The following NKAIN2 variants were observed in gnomAD, a reference collection of about 807,000 sequenced individuals.
NKAIN2 encodes the protein sodium/potassium-transporting ATPase subunit beta-1-interacting protein 2.
In NKAIN2, 14 loss-of-function variants were observed where a neutral mutation model predicts 32.6. That is an observed-to-expected ratio of 0.43 (90% CI 0.28 to 0.67). The LOEUF (loss-of-function observed/expected upper bound fraction) is 0.67. Among genes scored for constraint, NKAIN2 ranks in the 30% least tolerant of loss-of-function variants. NKAIN2 has a pLI of 0.17. For synonymous variants in NKAIN2, 80 were observed against 87.2 expected (o/e 0.92, Z 0.46); for missense variants, 198 against 258.3 (o/e 0.77, Z 1.60).
chr6:124,051,589 A>G (rs1453235884), intron 1 of NKAIN2, among the ~76,000 whole-genome samples: 2 of 151,844 alleles, frequency 1.3e-5, no homozygotes, highest in African/African-American at 4.8e-5. Flanking sequence ...CCGACCCCAC[A>G]ACAGGCCCCG....
chr6:124,144,258 G>A (rs1330232935), intron 1 of NKAIN2, among the ~76,000 whole-genome samples: 4 of 152,182 alleles, frequency 2.6e-5, no homozygotes, highest in African/African-American at 4.8e-5. Context: ...CCTATCATAT[G>A]AGGGTACTTA....
chr6:123,999,102 C>T lies in NKAIN2; in HGVS notation c.54+194848C>T, dbSNP rs79901209. Among the ~76,000 whole-genome samples the T allele has an allele frequency of 3.1e-3, 467 of 151,976 alleles. 22 individuals carry two copies. In the East Asian group the frequency reaches 0.076, roughly 25 times the overall value. On this transcript the variant is annotated intron_variant, in intron 1 of 6. Coordinates refer to ENST00000368417, the MANE Select transcript of NKAIN2 (RefSeq NM_001040214.3). ...TTACATGCATAGAAATGAAACTAAA[C>T]GACCCCAGGGAACTTACAGAGGGTT... is the stretch of plus-strand genomic sequence containing the variant.
chr6:124,036,780 T>C (rs1329325853), intron 1 of NKAIN2, among the ~76,000 whole-genome samples: 2 of 151,616 alleles, frequency 1.3e-5, no homozygotes, highest in African/African-American at 2.4e-5. Context: ...TGTGTATGTG[T>C]TTTTTTAAAA....
chr6:124,587,544 A>G (rs1781755244), intron 3 of NKAIN2, among the ~76,000 whole-genome samples: 1 of 151,994 alleles, frequency 6.6e-6, no homozygotes, highest in Admixed American at 6.6e-5. Flanking sequence ...TTACAGCTGA[A>G]ACTGATACCA....
chr6:123,950,285 C>G (rs1249652296), intron 1 of NKAIN2, among the ~76,000 whole-genome samples: 1 of 151,322 alleles, frequency 6.6e-6, no homozygotes, highest in Admixed American at 6.6e-5. Flanking sequence ...GTGCTTTTCT[C>G]GTTTTGATAC....
chr6:124,362,050 G>A (rs965124051), intron 3 of NKAIN2, among the ~76,000 whole-genome samples: 4 of 151,732 alleles, frequency 2.6e-5, no homozygotes, highest in African/African-American at 4.8e-5. Flanking sequence ...TTCCTCTTTA[G>A]TCTTCTTCAT....
At chr6:124,416,033 C>T (rs1371644528) in intron 3 of NKAIN2, among the ~76,000 whole-genome samples, 1 of 151,846 alleles carries the variant, frequency 6.6e-6, no homozygotes, top group Admixed American at 6.6e-5. Context: ...GTTTATTGCA[C>T]AGCGTTTCTC....
At chr6:124,434,013 C>T (rs1410175430) in intron 3 of NKAIN2, among the ~76,000 whole-genome samples, 1 of 152,152 alleles carries the variant, frequency 6.6e-6, no homozygotes, top group Non-Finnish European at 1.5e-5. Context: ...ATGCTATAGA[C>T]ATTACATCTG....
intron 3 of NKAIN2, among the ~76,000 whole-genome samples, chr6:124,568,114 CT>C (rs1225489645): frequency 6.6e-6 from 1 of 152,196 alleles, no homozygotes; most frequent in Non-Finnish European, 1.5e-5. Flanking sequence ...TTCAGCCCAC[CT>C]TTTGTTAGCC....
At chr6:124,401,697 T>A (rs574820179) in intron 3 of NKAIN2, among the ~76,000 whole-genome samples, 1 of 152,322 alleles carries the variant, frequency 6.6e-6, no homozygotes, top group East Asian at 1.9e-4. Context: ...ACACCTTTTT[T>A]GTATATTTTT....
At chr6:124,556,986 AT>A (rs1287419943) in intron 3 of NKAIN2, among the ~76,000 whole-genome samples, 1 of 152,218 alleles carries the variant, frequency 6.6e-6, no homozygotes, top group East Asian at 1.9e-4. Context: ...AAAATAAAGC[AT>A]TTTATATAAT....
chr6:124,713,527 A>T (rs141449118), intron 4 of NKAIN2, among the ~76,000 whole-genome samples: 224 of 152,260 alleles, frequency 1.5e-3, no homozygotes, highest in African/African-American at 5.1e-3. Flanking sequence ...ATTCCAAATA[A>T]TGGAGGGGGT....
At chr6:123,923,183 A>C (rs1376416514) in intron 1 of NKAIN2, among the ~76,000 whole-genome samples, 3 of 152,214 alleles carry the variant, frequency 2.0e-5, no homozygotes, top group Non-Finnish European at 1.5e-5. Flanking sequence ...GTAAATAGCC[A>C]TGGTAATGCC....
intron 3 of NKAIN2, among the ~76,000 whole-genome samples, chr6:124,476,473 T>G (rs1247310746): frequency 6.6e-6 from 1 of 151,818 alleles, no homozygotes; most frequent in Non-Finnish European, 1.5e-5. Flanking sequence ...TTTTCCAATT[T>G]TTGACAGGCA....
At chr6:124,669,892 G>A (rs1161072745) in intron 4 of NKAIN2, among the ~76,000 whole-genome samples, 2 of 151,782 alleles carry the variant, frequency 1.3e-5, no homozygotes, top group Non-Finnish European at 2.9e-5. Flanking sequence ...GACATTGAGC[G>A]TACTGCTCCC....
chr6:123,954,321 G>A (rs1216662135), intron 1 of NKAIN2, among the ~76,000 whole-genome samples: 2 of 152,180 alleles, frequency 1.3e-5, no homozygotes, highest in African/African-American at 2.4e-5. Flanking sequence ...GCAGATCCCT[G>A]TATTTGTTTT....
intron 6 of NKAIN2, among the ~76,000 whole-genome samples, chr6:124,822,803 C>A (rs912360835): frequency 6.6e-6 from 1 of 151,994 alleles, no homozygotes; most frequent in Non-Finnish European, 1.5e-5. Context: ...AAAAAAATCC[C>A]GTGTCTACAG....
intron 1 of NKAIN2, among the ~76,000 whole-genome samples, chr6:124,220,323 C>T (rs1791747364): frequency 6.6e-6 from 1 of 152,142 alleles, no homozygotes; most frequent in African/African-American, 2.4e-5. Context: ...CCTCCCCAGC[C>T]ATGCCAAACT....
chr6:124,651,290 G>C (rs1231934661), intron 3 of NKAIN2, among the ~76,000 whole-genome samples: 2 of 152,108 alleles, frequency 1.3e-5, no homozygotes, highest in Non-Finnish European at 2.9e-5. Flanking sequence ...TCTCCGGGTG[G>C]TTGTTGCAGA....
Sources: allele counts gnomAD v4.1 joint callset (sites outside exome capture counted in the v4.1 genomes callset), GRCh38; gene constraint gnomAD v4.1.1; transcripts MANE v1.5; gene names NCBI Gene and HGNC (gene_info 2026-07-23, HGNC 2026-07-21).